Variants in AFMID observed in about 807,000 individuals in gnomAD.
The protein encoded by AFMID is kynurenine formamidase.
A neutral mutation model predicts 47.5 loss-of-function variants in AFMID; 39 were observed. That is an observed-to-expected ratio of 0.82 (90% CI 0.64 to 1.07). AFMID has a LOEUF of 1.07. Ranked by LOEUF, AFMID falls within the 50% of genes least tolerant of loss-of-function variation. AFMID has a pLI of 0.00. For missense variants in AFMID, 375 were observed against 387.5 expected (o/e 0.97, Z 0.27); for synonymous variants, 130 against 153.2 (o/e 0.85, Z 1.12).
chr17:78,198,620 C>G (rs915999022), intron 2 of AFMID, among the ~76,000 whole-genome samples: 2 of 134,490 alleles, frequency 1.5e-5, no homozygotes, highest in Admixed American at 8.0e-5. Flanking sequence ...GCCTGGGTGA[C>G]AAGAGCAAAG....
rs893260178 is a variant in AFMID at position 78,187,580 on chromosome 17, T to G, written c.63+147T>G. ...TAGTGCGTGCCAGGTCCCCAGTGCT[T>G]GAGCACCATGGTGTATTTTACCTTC... On this transcript the variant is annotated intron_variant, in intron 1 of 10. Coordinates refer to ENST00000409257, the MANE Select transcript of AFMID (RefSeq NM_001010982.5). The G allele has an allele frequency of 4.2e-5, 31 of 743,082 alleles. No individual in the cohort carries two copies. In the African/African-American group the frequency reaches 5.1e-4, roughly 12 times the overall value. The allele number at this position is 743,082 out of a possible 1,614,324, so 46.0% of individuals were successfully genotyped here.
At chr17:78,187,713 T>G (rs2145836181) in intron 1 of AFMID, among the ~76,000 whole-genome samples, 1 of 152,076 alleles carries the variant, frequency 6.6e-6, no homozygotes, top group East Asian at 1.9e-4. Flanking sequence ...ACACCTGTAA[T>G]CCTAGCACTT....
chr17:78,205,991 G>A lies in AFMID; in HGVS notation c.826G>A (p.Asp276Asn), dbSNP rs751911915. ...GAAAGCCTCATTTGAAGAGCTCCAC[G>A]ATGTGGACCACTTTGAAATTGTTGA... ...EWKASFEELH[D>N]VDHFEIVENL... The change falls in exon 10 of 11, where the codon GAT (aspartate) becomes AAT (asparagine). Residue 276 changes from aspartate to asparagine, a missense_variant. Coordinates refer to ENST00000409257, the MANE Select transcript of AFMID (RefSeq NM_001010982.5). The A allele has an allele frequency of 1.3e-5, 21 of 1,613,884 alleles. No individual in the cohort carries two copies. Among genetic ancestry groups the A allele is most frequent in the African/African-American group, 4.0e-5 (3 of 74,878 alleles).
At chr17:78,197,164 G>C in intron 2 of AFMID, 1 of 1,550,496 alleles carries the variant, frequency 6.4e-7, no homozygotes, top group Non-Finnish European at 8.7e-7. Flanking sequence ...ACTCCTGTGT[G>C]AATTAAATCA....
Position 78,202,894 on chromosome 17 carries a change from G to T in AFMID, c.308+143G>T. On this transcript the variant is annotated intron_variant, in intron 4 of 10. Coordinates refer to ENST00000409257, the MANE Select transcript of AFMID (RefSeq NM_001010982.5). Reference sequence around the variant, plus strand: ...TGTCTCACAGCGCTGGAGAACGGAAGTCTCAAGTCAAATGTGGGCAGGGTT... The same window carrying T: ...TGTCTCACAGCGCTGGAGAACGGAATTCTCAAGTCAAATGTGGGCAGGGTT... 4.8e-6 allele frequency: 5 copies of T among 1,049,040 alleles called. No individual in the cohort carries two copies. The South Asian group carries it at 7.5e-5, about 16-fold the overall frequency. The allele number at this position is 1,049,040 out of a possible 1,614,324, so 65.0% of individuals were successfully genotyped here.
At chr17:78,196,080 C>G (rs1419572306) in intron 2 of AFMID, among the ~76,000 whole-genome samples, 2 of 152,306 alleles carry the variant, frequency 1.3e-5, no homozygotes, top group East Asian at 3.9e-4. Context: ...ATTTCTAACC[C>G]AGGCTGGGCT....
chr17:78,193,703 C>T (rs571717028), intron 2 of AFMID, among the ~76,000 whole-genome samples: 130 of 152,084 alleles, frequency 8.5e-4, no homozygotes, highest in African/African-American at 3.0e-3. Context: ...AAAGGCCAGG[C>T]GTGGCAGCTC....
Position 78,197,084 on chromosome 17 carries a change from G to C in AFMID, c.155-5415G>C, listed in dbSNP as rs578031766. The C allele has an allele frequency of 2.8e-6, 4 of 1,425,728 alleles. No individual in the cohort carries two copies. The South Asian group carries it at 4.9e-5, about 17-fold the overall frequency. The allele number at this position is 1,425,728 out of a possible 1,614,324, so 88.3% of individuals were successfully genotyped here. On this transcript the variant is annotated intron_variant, in intron 2 of 10. Transcript: ENST00000409257. ...TTGGTTTTAATGGCCATTCCACTTAGAACATAAATTCCATGATGTTTTTCT... is the reference window on the plus strand; with the variant it reads ...TTGGTTTTAATGGCCATTCCACTTACAACATAAATTCCATGATGTTTTTCT...
intron 2 of AFMID, among the ~76,000 whole-genome samples, chr17:78,192,153 C>T (rs1007055736): frequency 2.6e-5 from 4 of 151,452 alleles, no homozygotes; most frequent in African/African-American, 9.7e-5. Context: ...CATGCGCCAC[C>T]ACGCCCTGCT....
chr17:78,206,232 A>G (rs2076377051), intron 10 of AFMID, among the ~76,000 whole-genome samples, 182 bp downstream of exon 10: 1 of 151,240 alleles, frequency 6.6e-6, no homozygotes, highest in South Asian at 2.1e-4. Flanking sequence ...CCAGCTACTC[A>G]GGAGGCTGAG....
At chr17:78,206,818 C>T in intron 10 of AFMID, 93 bp from the exon 11 acceptor site, 1 of 1,431,940 alleles carries the variant, frequency 7.0e-7, no homozygotes. Context: ...AGACGTGAGC[C>T]ACTGCATCCA....
intron 1 of AFMID, among the ~76,000 whole-genome samples, chr17:78,188,512 C>T (rs1401986312): frequency 3.3e-5 from 5 of 151,544 alleles, no homozygotes; most frequent in Middle Eastern, 3.2e-3. Context: ...CTCTACCTCC[C>T]GGGTTCAAGT....
intron 2 of AFMID, chr17:78,197,007 T>G (rs1161146255): frequency 2.7e-6 from 2 of 739,178 alleles, no homozygotes; most frequent in African/African-American, 1.8e-5. Context: ...GTTAGTAGAG[T>G]TTTTTAATAT....
intron 1 of AFMID, among the ~76,000 whole-genome samples, chr17:78,188,506 A>G (rs184186192): frequency 1.2e-3 from 168 of 145,124 alleles, no homozygotes; most frequent in Admixed American, 2.9e-3. Flanking sequence ...TGCAACCTCT[A>G]CCTCCCGGGT....
At position 78,205,440 on chromosome 17, in the gene AFMID, G is replaced by T; in HGVS notation, c.566G>T (p.Gly189Val). The change falls in exon 8 of 11, where the codon GGC becomes GTC. Residue 189 changes from glycine (G) to valine (V), a missense_variant and splice_region_variant. Gly to Val is a moderately radical substitution (Grantham distance 109, BLOSUM62 -3). Coordinates refer to ENST00000409257, the MANE Select transcript of AFMID (RefSeq NM_001010982.5). ...CTGTGACAATTCTGTACCTTCACAG[G>T]CTTTTTCCTGGTGAGTGGGGTCTTT... ...TKHGVTPNLR[G>V]FFLVSGVFDL... 1 of 1,614,188 alleles carries T rather than the reference G, an allele frequency of 6.2e-7. No homozygotes were observed. The highest frequency in any genetic ancestry group is 2.2e-5 in the East Asian group (1 of 44,882).
chr17:78,198,670 G>T (rs928486542), intron 2 of AFMID, among the ~76,000 whole-genome samples: 1 of 151,496 alleles, frequency 6.6e-6, no homozygotes, highest in Non-Finnish European at 1.5e-5. Context: ...TTAGACAGGT[G>T]TGGTGGCGCA....
intron 2 of AFMID, among the ~76,000 whole-genome samples, chr17:78,199,738 G>C (rs1187609488): frequency 2.0e-5 from 3 of 152,186 alleles, no homozygotes; most frequent in African/African-American, 7.2e-5. Flanking sequence ...TCCAGGGACA[G>C]GGATCCCAAG....
chr17:78,188,763 A>T (rs551738260), intron 1 of AFMID, among the ~76,000 whole-genome samples: 13 of 151,902 alleles, frequency 8.6e-5, no homozygotes, highest in African/African-American at 3.1e-4. Flanking sequence ...TGCCCGGCTA[A>T]TTTTTTTGTA....
At chr17:78,204,933 G>T in intron 6 of AFMID, 33 bp downstream of exon 6, 1 of 1,613,356 alleles carries the variant, frequency 6.2e-7, no homozygotes, top group Non-Finnish European at 8.5e-7. Context: ...CTTCCTGTTG[G>T]ACCTCAGTGG....
Sources: allele counts gnomAD v4.1 joint callset (sites outside exome capture counted in the v4.1 genomes callset), GRCh38; gene constraint gnomAD v4.1.1; transcripts MANE v1.5; gene names NCBI Gene and HGNC (gene_info 2026-07-23, HGNC 2026-07-21).